Variants in GRID2 observed in about 807,000 individuals in gnomAD.
GRID2 encodes glutamate ionotropic receptor delta type subunit 2, also known as glutamate receptor ionotropic, delta-2.
In GRID2, 33 loss-of-function variants were observed where a neutral mutation model predicts 114.8. That is an observed-to-expected ratio of 0.29 (90% CI 0.22 to 0.38). The LOEUF is 0.38. GRID2 is among the 10% of genes least tolerant of loss of function. The pLI is 1.00. For missense variants in GRID2, 1,184 were observed against 1,257.7 expected (o/e 0.94, Z 0.89); for synonymous variants, 505 against 449.9 (o/e 1.12, Z -1.55).
At chr4:93,628,453 A>G (rs1417063092) in intron 14 of GRID2, among the ~76,000 whole-genome samples, 1 of 152,166 alleles carries the variant, frequency 6.6e-6, no homozygotes, top group Non-Finnish European at 1.5e-5. Flanking sequence ...AAAATGAGTG[A>G]AAGCTCTCCA....
chr4:93,680,820 A>G (rs544210671), intron 14 of GRID2, among the ~76,000 whole-genome samples: 2 of 152,286 alleles, frequency 1.3e-5, no homozygotes, highest in South Asian at 4.1e-4. Context: ...CACAGCCAAT[A>G]TCATACTGAA....
At chr4:92,375,847 A>T (rs1337176141) in intron 1 of GRID2, among the ~76,000 whole-genome samples, 2 of 152,220 alleles carry the variant, frequency 1.3e-5, no homozygotes, top group African/African-American at 4.8e-5. Flanking sequence ...ATGCAATTTA[A>T]TAGGTAATTG....
chr4:93,725,545 T>G (rs1341867851), intron 14 of GRID2, among the ~76,000 whole-genome samples: 1 of 151,802 alleles, frequency 6.6e-6, no homozygotes, highest in Non-Finnish European at 1.5e-5. Flanking sequence ...TCTAGATCCC[T>G]GAGGAATCGC....
intron 13 of GRID2, among the ~76,000 whole-genome samples, chr4:93,589,006 ACG>A (rs1560784571): frequency 1.5e-4 from 22 of 151,646 alleles, no homozygotes; most frequent in Non-Finnish European, 2.8e-4. Context: ...GAATTCAACA[ACG>A]TTCATGATTC....
chr4:93,512,169 A>G (rs1729258130), intron 12 of GRID2, among the ~76,000 whole-genome samples: 1 of 152,182 alleles, frequency 6.6e-6, no homozygotes, highest in Admixed American at 6.5e-5. Flanking sequence ...ATATTAATGT[A>G]TATATTAGAT....
chr4:92,466,484 G>T (rs1721756904), intron 1 of GRID2, among the ~76,000 whole-genome samples: 1 of 151,332 alleles, frequency 6.6e-6, no homozygotes, highest in Non-Finnish European at 1.5e-5. Flanking sequence ...ATTTCACATT[G>T]TATGCCTTTA....
chr4:93,682,633 G>A (rs1466741746), intron 14 of GRID2, among the ~76,000 whole-genome samples: 1 of 152,038 alleles, frequency 6.6e-6, no homozygotes, highest in Non-Finnish European at 1.5e-5. Context: ...CCTTTGTAGG[G>A]ACATGGATGA....
intron 2 of GRID2, among the ~76,000 whole-genome samples, chr4:92,671,218 A>C (rs983157136): frequency 6.6e-6 from 1 of 151,414 alleles, no homozygotes; most frequent in African/African-American, 2.4e-5. Context: ...CTAAGGGGGA[A>C]GTGCTATCCA....
At chr4:93,348,299 T>G (rs1422757062) in intron 8 of GRID2, among the ~76,000 whole-genome samples, 1 of 152,206 alleles carries the variant, frequency 6.6e-6, no homozygotes, top group African/African-American at 2.4e-5. Flanking sequence ...ATCTGTTTAA[T>G]TCTATTCTAT....
intron 2 of GRID2, among the ~76,000 whole-genome samples, chr4:92,810,074 T>C (rs112608278): frequency 5.3e-5 from 8 of 152,144 alleles, no homozygotes; most frequent in African/African-American, 1.9e-4. Context: ...TTTCATCAGA[T>C]TTAATATGAC....
In GRID2 at chr4:93,288,385, T is replaced by A. The variant is rs559821513; in HGVS notation, c.1245+49895T>A. Among the ~76,000 whole-genome samples, 4 of 152,276 alleles carry A rather than the reference T, an allele frequency of 2.6e-5. No homozygotes were observed. In the South Asian group the frequency reaches 8.3e-4, roughly 32 times the overall value. On this transcript the variant is annotated intron_variant, in intron 8 of 15. Coordinates refer to ENST00000282020, the MANE Select transcript of GRID2 (RefSeq NM_001510.4). Reference sequence around the variant, plus strand: ...TCTATTCACACAAGTGTCAGCTGGGTTTCTGGTGCTTGGGGTCCAAGACTT... The same window carrying A: ...TCTATTCACACAAGTGTCAGCTGGGATTCTGGTGCTTGGGGTCCAAGACTT...
chr4:92,955,869 A>G (rs968360000), intron 2 of GRID2, among the ~76,000 whole-genome samples: 1 of 152,146 alleles, frequency 6.6e-6, no homozygotes, highest in South Asian at 2.1e-4. Context: ...TTTATTAAAT[A>G]GGGAATCCTT....
intron 2 of GRID2, among the ~76,000 whole-genome samples, chr4:92,651,756 G>A (rs1005650039): frequency 6.6e-6 from 1 of 152,052 alleles, no homozygotes; most frequent in Non-Finnish European, 1.5e-5. Flanking sequence ...CAAAACAGGT[G>A]CACTGCCTGA....
chr4:92,437,249 A>C (rs1340222657), intron 1 of GRID2, among the ~76,000 whole-genome samples: 2 of 152,168 alleles, frequency 1.3e-5, no homozygotes, highest in Non-Finnish European at 2.9e-5. Context: ...TGGAAAAAAA[A>C]TGATTCATTT....
intron 2 of GRID2, among the ~76,000 whole-genome samples, chr4:92,906,948 C>G (rs1465339025): frequency 6.6e-6 from 1 of 152,184 alleles, no homozygotes; most frequent in Non-Finnish European, 1.5e-5. Flanking sequence ...AGGCCCCACA[C>G]CAGACGTACT....
intron 1 of GRID2, among the ~76,000 whole-genome samples, chr4:92,450,868 T>G (rs1415828513): frequency 6.8e-6 from 1 of 146,802 alleles, no homozygotes; most frequent in Non-Finnish European, 1.5e-5. Flanking sequence ...AAATTTAATT[T>G]TTAAATAAGT....
chr4:93,005,850 T>C (rs769335072), intron 2 of GRID2, among the ~76,000 whole-genome samples: 3 of 152,110 alleles, frequency 2.0e-5, no homozygotes, highest in African/African-American at 4.8e-5. Flanking sequence ...GTTAAATCCA[T>C]AGATACAGAA....
intron 2 of GRID2, among the ~76,000 whole-genome samples, chr4:93,008,200 TC>T (rs755026206): frequency 6.6e-6 from 1 of 152,066 alleles, no homozygotes; most frequent in Non-Finnish European, 1.5e-5. Context: ...TCTGCAAAAT[TC>T]TTCTAAAGTG....
chr4:93,708,559 A>G (rs1223103558), intron 14 of GRID2, among the ~76,000 whole-genome samples: 3 of 151,902 alleles, frequency 2.0e-5, no homozygotes, highest in Non-Finnish European at 4.4e-5. Context: ...ATGTATCTCT[A>G]TAGGCGAAGT....
Sources: allele counts gnomAD v4.1 joint callset (sites outside exome capture counted in the v4.1 genomes callset), GRCh38; gene constraint gnomAD v4.1.1; transcripts MANE v1.5; gene names NCBI Gene and HGNC (gene_info 2026-07-23, HGNC 2026-07-21).